SYNJ2: variants seen among roughly 807,000 people sequenced by gnomAD.
SYNJ2 encodes synaptojanin 2.
SYNJ2 carries 116 observed loss-of-function variants against 141.3 expected under a neutral mutation model. That is an observed-to-expected ratio of 0.82 (90% CI 0.71 to 0.96). The LOEUF (loss-of-function observed/expected upper bound fraction) is 0.96. Ranked by LOEUF, SYNJ2 falls within the 40% of genes least tolerant of loss-of-function variation. The pLI is 0.00. For synonymous variants in SYNJ2, 745 were observed against 777.7 expected (o/e 0.96, Z 0.70); for missense variants, 1,873 against 1,934.8 (o/e 0.97, Z 0.60).
Position 158,096,261 on chromosome 6 carries a change from T to A in SYNJ2, c.4388T>A (p.Leu1463Gln), listed in dbSNP as rs1562418520. The A allele has an allele frequency of 6.2e-7, 1 of 1,614,120 alleles. No homozygotes were observed. The highest frequency in any genetic ancestry group is 1.3e-5 in the African/African-American group (1 of 74,952). Residue 1463 changes from leucine (L) to glutamine (Q), a missense_variant, in exon 27 of 27, where the codon CTG becomes CAG. Coordinates refer to ENST00000355585, the MANE Select transcript of SYNJ2 (RefSeq NM_003898.4). ...SAGASAAKAELPPDHEHKTLG... is the reference protein window; with the variant it reads ...SAGASAAKAEQPPDHEHKTLG... ...GGCGCTTCAGCTGCCAAGGCAGAGC[T>A]GCCACCAGATCATGAACACAAAACC... is the stretch of plus-strand genomic sequence containing the variant.
intron 1 of SYNJ2, among the ~76,000 whole-genome samples, chr6:158,016,063 C>T (rs1778442014): frequency 6.6e-6 from 1 of 152,186 alleles, no homozygotes; most frequent in Non-Finnish European, 1.5e-5. Context: ...CTGGCAACCA[C>T]AACATCTACT....
rs958690538 is a variant in SYNJ2 at position 157,981,926 on chromosome 6, T to TGGCCCC, written c.-29_-24dup. The TGGCCCC allele has an allele frequency of 9.8e-6, 12 of 1,223,334 alleles. No individual in the cohort carries two copies. Among genetic ancestry groups the TGGCCCC allele is most frequent in the African/African-American group, 1.6e-5 (1 of 63,918 alleles). 75.8% of individuals were successfully genotyped at this position (1,223,334 alleles called of 1,614,324 possible). A position where few individuals can be genotyped will look rare whatever the true frequency, so the allele number is the denominator to read the frequency against. On this transcript the variant is annotated 5_prime_UTR_variant, in exon 1 of 27. Transcript: ENST00000355585. This position sits in a 1 kb window ranked among gnomAD's most constrained non-coding sequence, Gnocchi z 6.4. ...CGGGCAGCGCGCCCTCGGGAGGACG[T>TGGCCCC]GGCCCCGGCCCCCGCCCGCAGTGGG...
intron 18 of SYNJ2, among the ~76,000 whole-genome samples, chr6:158,080,266 G>C (rs976379105): frequency 6.6e-6 from 1 of 152,090 alleles, no homozygotes; most frequent in Non-Finnish European, 1.5e-5. Flanking sequence ...CCTAAAGTCA[G>C]GAGTTCAAGA....
At chr6:157,995,367 A>T (rs1777600292) in intron 1 of SYNJ2, among the ~76,000 whole-genome samples, 1 of 152,152 alleles carries the variant, frequency 6.6e-6, no homozygotes, top group African/African-American at 2.4e-5. Flanking sequence ...ATTAAAAAAA[A>T]CAAACAGTGT....
chr6:158,074,893 A>G (rs977726530), intron 16 of SYNJ2, among the ~76,000 whole-genome samples, 155 bp downstream of exon 16: 1 of 148,824 alleles, frequency 6.7e-6, no homozygotes, highest in Non-Finnish European at 1.5e-5. Context: ...GTTACAGTAC[A>G]GGAGTGGCTG....
rs1451259691 is a variant in SYNJ2, at chr6:158,071,591, T to C, written c.1941-11T>C. 4.3e-6 allele frequency: 7 copies of C among 1,612,728 alleles called. No individual in the cohort carries two copies. The Admixed American group carries it at 5.0e-5, about 12-fold the overall frequency. ...AGGAGCCGACGGCATGCGCGTATCCTTCTGTTCCAGGGACGTAGCCATCGA... is the reference window on the plus strand; with the variant it reads ...AGGAGCCGACGGCATGCGCGTATCCCTCTGTTCCAGGGACGTAGCCATCGA... On this transcript the variant is annotated splice_polypyrimidine_tract_variant and intron_variant, in intron 14 of 26. Coordinates refer to ENST00000355585, the MANE Select transcript of SYNJ2 (RefSeq NM_003898.4). This position sits in a 1 kb window ranked among gnomAD's most constrained non-coding sequence, Gnocchi z 4.3.
At chr6:157,998,976 C>T (rs914339828) in intron 1 of SYNJ2, among the ~76,000 whole-genome samples, 4 of 152,088 alleles carry the variant, frequency 2.6e-5, no homozygotes, top group Non-Finnish European at 5.9e-5. Flanking sequence ...TCAAAAGACA[C>T]CATAAACGTA....
chr6:158,095,527 TCTCTGTTCTCTGCTGGCCA>T, intron 26 of SYNJ2, 72 bp from the exon 27 acceptor site: 1 of 1,468,760 alleles, frequency 6.8e-7, no homozygotes, highest in Non-Finnish European at 9.0e-7. Flanking sequence ...CTTGGTCTCA[TCTCTGTTCTCTGCTGGCCA>T]CTCTGTTCTC....
At position 158,098,814 on chromosome 6, in the gene SYNJ2, C is replaced by T. The variant is rs1417884422; in HGVS notation, c.*2450C>T. The T allele has an allele frequency of 1.3e-5, 2 of 152,206 alleles. No homozygotes were observed. The highest frequency in any genetic ancestry group is 2.9e-5 in the Non-Finnish European group (2 of 68,036). 9.4% of individuals were successfully genotyped at this position (152,206 alleles called of 1,614,324 possible). A position where few individuals can be genotyped will look rare whatever the true frequency, so the allele number is the denominator to read the frequency against. On this transcript the variant is annotated 3_prime_UTR_variant, in exon 27 of 27. Coordinates refer to ENST00000355585, the MANE Select transcript of SYNJ2 (RefSeq NM_003898.4). ...CTGGTTTAGGTACTTCACAACTCAC[C>T]ATTGTCTCTCTGACCCCAAGCCTAG...
intron 4 of SYNJ2, among the ~76,000 whole-genome samples, chr6:158,037,266 C>G (rs1012283016): frequency 6.7e-6 from 1 of 148,754 alleles, no homozygotes; most frequent in Admixed American, 6.7e-5. Flanking sequence ...CGCCCCGGCT[C>G]TTGGTGGCCT....
At chr6:158,017,320 G>A (rs1235180932) in intron 2 of SYNJ2, 30 bp downstream of exon 2, 11 of 1,595,620 alleles carry the variant, frequency 6.9e-6, no homozygotes, top group Admixed American at 1.7e-5. Flanking sequence ...AGGAGCAGGC[G>A]CCAGGCTCCC....
rs575798050 is a variant in SYNJ2, at chr6:157,989,224, C to T, written c.127+7136C>T. Among the ~76,000 whole-genome samples the T allele has an allele frequency of 1.9e-3, 290 of 151,932 alleles. 1 individual carries two copies. Among genetic ancestry groups the T allele is most frequent in the Non-Finnish European group, 2.4e-3 (165 of 67,982 alleles). ...ATAGCTGACATTTGTGGAGTGTTTA[C>T]CACCTACCAGGTGCTGATCCAAGTG... On this transcript the variant is annotated intron_variant, in intron 1 of 26. Coordinates refer to ENST00000355585, the MANE Select transcript of SYNJ2 (RefSeq NM_003898.4).
At chr6:158,091,642 C>A (rs1004077621) in intron 25 of SYNJ2, among the ~76,000 whole-genome samples, 1 of 151,036 alleles carries the variant, frequency 6.6e-6, no homozygotes, top group African/African-American at 2.4e-5. Flanking sequence ...CCCAGTTACT[C>A]GGGAGGCTGA....
At chr6:158,015,592 C>T (rs1409747340) in intron 1 of SYNJ2, among the ~76,000 whole-genome samples, 1 of 152,110 alleles carries the variant, frequency 6.6e-6, no homozygotes, top group Non-Finnish European at 1.5e-5. Context: ...GTGGGTTAGC[C>T]GTATCTCTGA....
In SYNJ2 at chr6:158,096,243, C is replaced by A; in HGVS notation, c.4370C>A (p.Ser1457Ter). The change falls in exon 27 of 27, where the codon TCA (serine) becomes TAA (stop). Residue 1457 changes from serine to a stop codon, truncating the protein, a stop_gained. Transcript: ENST00000355585. LOFTEE classifies it low-confidence loss of function (END_TRUNC). ...ATAGACCCAGTGTCAGCTGGCGCTT[C>A]AGCTGCCAAGGCAGAGCTGCCACCA... Reference protein sequence around the residue: ...DPIDPVSAGASAAKAELPPDH... With the variant: ...DPIDPVSAGA 1 of 1,614,264 alleles carries A rather than the reference C, an allele frequency of 6.2e-7. No homozygotes were observed. Among genetic ancestry groups the A allele is most frequent in the Non-Finnish European group, 8.5e-7 (1 of 1,180,048 alleles).
intron 1 of SYNJ2, among the ~76,000 whole-genome samples, chr6:157,984,340 C>T (rs1050123890): frequency 1.1e-4 from 16 of 152,304 alleles, no homozygotes; most frequent in African/African-American, 3.8e-4. Context: ...TTGAAATTCC[C>T]ATCTGTGTTC....
intron 18 of SYNJ2, among the ~76,000 whole-genome samples, chr6:158,080,076 T>C (rs1332694757): frequency 6.6e-6 from 1 of 152,244 alleles, no homozygotes; most frequent in Non-Finnish European, 1.5e-5. Flanking sequence ...GATTGCATTA[T>C]TTCCTGCTGG....
chr6:158,073,914 T>TAA (rs1554252796), intron 15 of SYNJ2, among the ~76,000 whole-genome samples: 1 of 150,220 alleles, frequency 6.7e-6, no homozygotes. Flanking sequence ...TTTTTTTTTT[T>TAA]AATCTAAGAG....
chr6:158,087,274 A>C (rs1454377996), intron 23 of SYNJ2, among the ~76,000 whole-genome samples: 2 of 152,202 alleles, frequency 1.3e-5, no homozygotes, highest in Non-Finnish European at 2.9e-5. Context: ...TAGAGGATGC[A>C]GAATGGGGGC....
Sources: gnomAD v4.1 joint callset for allele counts (sites outside exome capture counted in the v4.1 genomes callset) on GRCh38, gnomAD v4.1.1 for gene constraint, Gnocchi (gnomAD v3.1) non-coding constraint, MANE v1.5 for transcripts, NCBI Gene and HGNC (gene_info 2026-07-23, HGNC 2026-07-21) for gene names.